DENND11: variants seen among roughly 807,000 people sequenced by gnomAD.
DENND11 encodes DENN domain-containing protein 11.
DENND11 carries 34 observed loss-of-function variants against 49.2 expected under a neutral mutation model. The ratio of observed to expected loss-of-function variants is 0.69; its 90% CI spans 0.53 to 0.92. The LOEUF (loss-of-function observed/expected upper bound fraction) is 0.92, where lower values mean the gene tolerates loss of function less well. DENND11 is among the 40% of genes least tolerant of loss of function. The pLI is 0.00. For synonymous variants in DENND11, 238 were observed against 230.3 expected, an observed-to-expected ratio of 1.03 and a Z score of -0.30; for missense variants, 475 against 581.6, an observed-to-expected ratio of 0.82 and a Z score of 1.88.
At chr7:141,686,875 T>C (rs1274034732) in intron 1 of DENND11, among the ~76,000 whole-genome samples, 3 of 152,142 alleles carry the variant, frequency 2.0e-5, no homozygotes, top group African/African-American at 7.2e-5. Flanking sequence ...ATTTCTGCCC[T>C]CAAACACTGT....
chr7:141,672,621 C>G (rs1315496915), intron 4 of DENND11, among the ~76,000 whole-genome samples: 1 of 152,234 alleles, frequency 6.6e-6, no homozygotes, highest in Admixed American at 6.5e-5. Context: ...TGGCTGAAAC[C>G]ATCTCATGAG....
At chr7:141,674,000 G>A in intron 4 of DENND11, 67 bp downstream of exon 4, 3 of 1,521,614 alleles carry the variant, frequency 2.0e-6, no homozygotes, top group Non-Finnish European at 1.8e-6. Context: ...TCATTAAAAA[G>A]TAATCAACAG....
chr7:141,669,954 G>A (rs1368476661), intron 4 of DENND11, among the ~76,000 whole-genome samples: 1 of 151,040 alleles, frequency 6.6e-6, no homozygotes, highest in African/African-American at 2.4e-5. Flanking sequence ...GGGACTACAG[G>A]CGCCCGCCAC....
chr7:141,681,613 A>G (rs1185723523), intron 3 of DENND11, among the ~76,000 whole-genome samples: 2 of 152,188 alleles, frequency 1.3e-5, no homozygotes, highest in Non-Finnish European at 2.9e-5. Flanking sequence ...AATGACCCAA[A>G]GAAGATCTTT....
Position 141,662,629 on chromosome 7 carries a change from A to C in DENND11, c.*27T>G. 2.0e-6 allele frequency: 3 copies of C among 1,506,576 alleles called. No individual in the cohort carries two copies. Among genetic ancestry groups the C allele is most frequent in the Non-Finnish European group, 2.7e-6 (3 of 1,127,878 alleles). The allele number at this position is 1,506,576 out of a possible 1,614,324, so 93.3% of individuals were successfully genotyped here. ...TCCGGGCTGCTGACATCCCACGTGA[A>C]GTGGCTCCCAGTCCTGTTGGCTCCT... is the stretch of plus-strand genomic sequence containing the variant. On this transcript the variant is annotated 3_prime_UTR_variant, in exon 9 of 9. Coordinates refer to ENST00000536163, the MANE Select transcript of DENND11 (RefSeq NM_001080392.2).
intron 3 of DENND11, among the ~76,000 whole-genome samples, chr7:141,677,463 G>GTATATATATT (rs1432472872): frequency 7.1e-6 from 1 of 139,970 alleles, no homozygotes; most frequent in East Asian, 2.0e-4. Context: ...TTACATATGT[G>GTATATATATT]TATATATATT....
Position 141,682,149 on chromosome 7 carries a change from T to C in DENND11, c.527+3329A>G, listed in dbSNP as rs149274538. ...TAAGTTTTCAGGGTAAGAAGAACCATGCCCTGGCCTAACGTAAAGGACTAC... is the reference window on the plus strand; with the variant it reads ...TAAGTTTTCAGGGTAAGAAGAACCACGCCCTGGCCTAACGTAAAGGACTAC... On this transcript the variant is annotated intron_variant, in intron 3 of 8. Transcript: ENST00000536163. Among the ~76,000 whole-genome samples, 1,080 of 152,268 alleles carry C rather than the reference T, an allele frequency of 7.1e-3. 16 individuals are homozygous for C. The highest frequency in any genetic ancestry group is 0.025 in the African/African-American group (1,022 of 41,550).
chr7:141,686,430 C>G, intron 2 of DENND11, 129 bp downstream of exon 2: 1 of 640,902 alleles, frequency 1.6e-6, no homozygotes. Flanking sequence ...AAACACAAAA[C>G]TATCCATGTA....
At chr7:141,669,038 T>A (rs17162406) in intron 4 of DENND11, among the ~76,000 whole-genome samples, 16,134 of 152,136 alleles carry the variant, frequency 0.11, 1,267 homozygotes, top group East Asian at 0.35. Context: ...TGCCTGCCAC[T>A]AGGGAAGCCC....
intron 1 of DENND11, among the ~76,000 whole-genome samples, chr7:141,696,756 C>T (rs991552151): frequency 3.3e-5 from 5 of 152,198 alleles, no homozygotes; most frequent in Non-Finnish European, 7.3e-5. Flanking sequence ...CACATAACCA[C>T]CTAAAGGGGC....
chr7:141,684,414 CCTG>C (rs541518186), intron 3 of DENND11, among the ~76,000 whole-genome samples: 61 of 152,148 alleles, frequency 4.0e-4, no homozygotes, highest in East Asian at 1.5e-3. Flanking sequence ...ATTAACACAG[CCTG>C]CTATTTGAGA....
rs1435914628 is a variant in DENND11 at position 141,662,365 on chromosome 7, A to T, written c.*291T>A. 1 of 348,366 alleles carries T rather than the reference A, an allele frequency of 2.9e-6. No homozygotes were observed. The highest frequency in any genetic ancestry group is 5.1e-6 in the Non-Finnish European group (1 of 194,708). 21.6% of individuals were successfully genotyped at this position (348,366 alleles called of 1,614,324 possible). On this transcript the variant is annotated 3_prime_UTR_variant, in exon 9 of 9. Transcript: ENST00000536163. ...GTCCATCCCAATGTTTCCAGAGCTC[A>T]GCCTACTCCTAGTGATACAACTCCC... is the stretch of plus-strand genomic sequence containing the variant.
rs892161898 is a variant in DENND11 at position 141,674,142 on chromosome 7, A to C, written c.606T>G (p.Gly202=). The C allele has an allele frequency of 6.3e-7, 1 of 1,583,500 alleles. No individual in the cohort carries two copies. The highest frequency in any genetic ancestry group is 8.6e-7 in the Non-Finnish European group (1 of 1,164,664). ...YEDKKGVLHA[G]PGRGSSLPPV... Reference sequence around the variant, plus strand: ...GGGGCAGGCTGCTGCCTCTGCCGGGACCAGCATGGAGCACCCCCTTTTTGT... The same window carrying C: ...GGGGCAGGCTGCTGCCTCTGCCGGGCCCAGCATGGAGCACCCCCTTTTTGT... The change falls in exon 4 of 9, where the codon GGT becomes GGG. Residue 202 remains glycine, a synonymous_variant. Coordinates refer to ENST00000536163, the MANE Select transcript of DENND11 (RefSeq NM_001080392.2).
At chr7:141,688,675 A>G (rs551060780) in intron 1 of DENND11, among the ~76,000 whole-genome samples, 1 of 152,268 alleles carries the variant, frequency 6.6e-6, no homozygotes, top group African/African-American at 2.4e-5. Flanking sequence ...ATTTTCCCCT[A>G]CCATCCATGT....
intron 3 of DENND11, among the ~76,000 whole-genome samples, chr7:141,678,989 T>C (rs144152679): frequency 1.5e-4 from 23 of 152,340 alleles, no homozygotes; most frequent in African/African-American, 4.8e-4. Context: ...AGAGAGATAC[T>C]GAGGGCAAAA....
intron 1 of DENND11, among the ~76,000 whole-genome samples, chr7:141,701,319 C>A (rs1441719466): frequency 3.3e-5 from 5 of 151,106 alleles, no homozygotes; most frequent in Admixed American, 3.3e-4. Context: ...GTGAACTTGG[C>A]CGCTAGGAAA....
At position 141,700,987 on chromosome 7, in the gene DENND11, G is replaced by A. The variant is rs531970735; in HGVS notation, c.268+899C>T. Among the ~76,000 whole-genome samples the A allele has an allele frequency of 2.0e-5, 3 of 152,136 alleles. 1 individual carries two copies. The South Asian group carries it at 6.2e-4, about 32-fold the overall frequency. On this transcript the variant is annotated intron_variant, in intron 1 of 8. Transcript: ENST00000536163. The stretch of plus-strand genomic sequence containing the variant: ...TAAGCCCTGACACCACGACTCCTGC[G>A]ATGACACCTCCTTCCCCCAACCCCG...
At position 141,694,399 on chromosome 7, in the gene DENND11, T is replaced by C. The variant is rs146424112; in HGVS notation, c.268+7487A>G. Among the ~76,000 whole-genome samples the C allele has an allele frequency of 2.3e-4, 35 of 152,254 alleles. No individual in the cohort carries two copies. In the East Asian group the frequency reaches 6.8e-3, roughly 29 times the overall value. ...TCTCAACCTCCCAAACAGCTGGGAC[T>C]ACAGGTATGCGCCACCATGCCGGGC... On this transcript the variant is annotated intron_variant, in intron 1 of 8. Coordinates refer to ENST00000536163, the MANE Select transcript of DENND11 (RefSeq NM_001080392.2).
intron 3 of DENND11, among the ~76,000 whole-genome samples, chr7:141,678,031 C>G (rs1290887053): frequency 6.6e-6 from 1 of 151,588 alleles, no homozygotes; most frequent in Admixed American, 6.6e-5. Flanking sequence ...GGTGCAATCT[C>G]AGCTCACCGC....
Sources: allele counts gnomAD v4.1 joint callset (sites outside exome capture counted in the v4.1 genomes callset), GRCh38; gene constraint gnomAD v4.1.1; transcripts MANE v1.5; gene names NCBI Gene and HGNC (gene_info 2026-07-23, HGNC 2026-07-21).